The following ACYP2 variants were observed in gnomAD, a reference collection of about 807,000 sequenced individuals.
ACYP2 encodes the protein acylphosphatase 2.
A neutral mutation model predicts 11.2 loss-of-function variants in ACYP2; 12 were observed. The ratio of observed to expected loss-of-function variants is 1.08; its 90% CI spans 0.69 to 1.74. ACYP2 has a LOEUF of 1.74. Ranked by LOEUF, ACYP2 falls within the 40% of genes most tolerant of loss-of-function variation. The probability of loss-of-function intolerance (pLI) is 0.00; values close to 1 mark genes in which losing one functional copy is unlikely to be tolerated. For missense variants in ACYP2, 134 were observed against 101.9 expected (o/e 1.31, Z -1.35); for synonymous variants, 43 against 32.2 (o/e 1.33, Z -1.13).
At chr2:54,259,435 GA>G (rs1687688075) in intron 6 of ACYP2, among the ~76,000 whole-genome samples, 1 of 152,148 alleles carries the variant, frequency 6.6e-6, no homozygotes, top group African/African-American at 2.4e-5. Flanking sequence ...ATAAGGTCAA[GA>G]AAAAGAGGAA....
At chr2:54,188,470 T>C (rs950050566) in intron 6 of ACYP2, among the ~76,000 whole-genome samples, 2 of 152,210 alleles carry the variant, frequency 1.3e-5, no homozygotes, top group Non-Finnish European at 1.5e-5. Flanking sequence ...GCAGTAGATA[T>C]AATATTCGAA....
intron 6 of ACYP2, among the ~76,000 whole-genome samples, chr2:54,282,998 GA>G (rs1352891561): frequency 5.9e-5 from 9 of 152,314 alleles, no homozygotes; most frequent in African/African-American, 2.2e-4. Context: ...TTAATAATGT[GA>G]AGAATGAAAA....
At chr2:54,197,942 A>G (rs13001916) in intron 6 of ACYP2, among the ~76,000 whole-genome samples, 1,865 of 69,360 alleles carry the variant, frequency 0.027, 214 homozygotes, top group East Asian at 0.058. Context: ...TGTATGTATT[A>G]TATTGTATTG....
chr2:54,092,974 A>G (rs556052977), intron 4 of ACYP2, among the ~76,000 whole-genome samples: 1 of 152,312 alleles, frequency 6.6e-6, no homozygotes, highest in African/African-American at 2.4e-5. Context: ...GGTGGGGTAC[A>G]ATCGTTCAGA....
Position 54,155,600 on chromosome 2 carries a change from A to C in ACYP2, c.404+16852A>C, listed in dbSNP as rs79974599. ...GTTGTTCACTCTTCATGAGAATCTA[A>C]CTAATGCCTGATGATCTGAGGTGGA... On this transcript the variant is annotated intron_variant, in intron 6 of 6. Transcript: ENST00000607452. Among the ~76,000 whole-genome samples, 596 of 152,278 alleles carry C rather than the reference A, an allele frequency of 3.9e-3. 28 individuals are homozygous for C. The East Asian group carries it at 0.11, about 27-fold the overall frequency.
chr2:54,071,682 C>G (rs916669838), intron 4 of ACYP2, among the ~76,000 whole-genome samples: 5 of 152,066 alleles, frequency 3.3e-5, no homozygotes, highest in African/African-American at 1.2e-4. Context: ...GGTCTAAGAT[C>G]AATTGTATTT....
At chr2:53,993,759 CCG>C (rs1247147262) in intron 2 of ACYP2, among the ~76,000 whole-genome samples, 1 of 151,892 alleles carries the variant, frequency 6.6e-6, no homozygotes, top group African/African-American at 2.4e-5. Context: ...CTCTATTTTC[CCG>C]GAGAAGTAGG....
intron 2 of ACYP2, among the ~76,000 whole-genome samples, chr2:54,035,837 G>A (rs1674870762): frequency 6.6e-6 from 1 of 152,152 alleles, no homozygotes; most frequent in African/African-American, 2.4e-5. Flanking sequence ...ACTTGAGAAT[G>A]AGGAAATAAG....
intron 6 of ACYP2, among the ~76,000 whole-genome samples, chr2:54,204,297 G>C (rs1684983684): frequency 9.4e-6 from 1 of 106,190 alleles, no homozygotes; most frequent in African/African-American, 3.1e-5. Context: ...CCGGCCATGG[G>C]ATTTTTTTTT....
rs1205008152 is a variant in ACYP2 at position 53,973,907 on chromosome 2, A to AT, written c.62+120dup. The AT allele has an allele frequency of 1.7e-3, 72 of 41,204 alleles. 3 individuals carry two copies. The highest frequency in any genetic ancestry group is 4.6e-3 in the South Asian group (5 of 1,086). The allele number at this position is 41,204 out of a possible 1,614,324, so 2.6% of individuals were successfully genotyped here. On this transcript the variant is annotated intron_variant, in intron 2 of 6. Coordinates refer to ENST00000607452, the MANE Select transcript of ACYP2 (RefSeq NM_001320586.2). ...TGTGTGTGTGTGTGTGTGTGTATATATTTTTTTTTTTTTTTTTTTTTTTGA... is the reference window on the plus strand; with the variant it reads ...TGTGTGTGTGTGTGTGTGTGTATATATTTTTTTTTTTTTTTTTTTTTTTTGA...
intron 4 of ACYP2, among the ~76,000 whole-genome samples, chr2:54,096,034 C>T (rs1165140903): frequency 2.0e-5 from 2 of 101,314 alleles, no homozygotes; most frequent in Non-Finnish European, 4.0e-5. Flanking sequence ...CCGGACGGGG[C>T]GGCTGGCCGG....
chr2:54,007,729 G>C (rs541344917), intron 2 of ACYP2, among the ~76,000 whole-genome samples: 1 of 152,186 alleles, frequency 6.6e-6, no homozygotes, highest in Non-Finnish European at 1.5e-5. Context: ...GTTGGGTGTG[G>C]TAGTGTGTGC....
At chr2:54,301,795 C>A (rs1313823595) in intron 6 of ACYP2, among the ~76,000 whole-genome samples, 1 of 152,160 alleles carries the variant, frequency 6.6e-6, no homozygotes, top group East Asian at 1.9e-4. Flanking sequence ...TAGACCTCAG[C>A]CACACTTACC....
At chr2:54,201,674 CTTTCTT>C (rs1168061309) in intron 6 of ACYP2, among the ~76,000 whole-genome samples, 40 of 103,876 alleles carry the variant, frequency 3.9e-4, no homozygotes, top group African/African-American at 9.5e-4. Flanking sequence ...TTCTTTCTTT[CTTTCTT>C]TCTCTCTCTC....
chr2:54,018,786 C>T (rs150141632), intron 2 of ACYP2, among the ~76,000 whole-genome samples: 8 of 152,276 alleles, frequency 5.3e-5, no homozygotes, highest in Middle Eastern at 3.4e-3. Flanking sequence ...CTTACTCTGT[C>T]GCCCAAGCTG....
At chr2:54,232,904 C>T (rs752747141) in intron 6 of ACYP2, among the ~76,000 whole-genome samples, 3 of 152,112 alleles carry the variant, frequency 2.0e-5, no homozygotes, top group Non-Finnish European at 2.9e-5. Flanking sequence ...GATTACAATT[C>T]GAGATGAGAT....
At chr2:54,029,665 T>C (rs1368513303) in intron 2 of ACYP2, 6 of 436,924 alleles carry the variant, frequency 1.4e-5, no homozygotes, top group Non-Finnish European at 2.6e-5. Context: ...TCTTAGCTTG[T>C]AGAGTGCTTA....
At chr2:54,281,081 C>A (rs1016766324) in intron 6 of ACYP2, among the ~76,000 whole-genome samples, 3 of 152,030 alleles carry the variant, frequency 2.0e-5, no homozygotes. Flanking sequence ...GAGGTTTAAA[C>A]GAAATAACAT....
chr2:54,007,138 C>CAAAAAAAAAAAAAAAAAAAAAA (rs70944145), intron 2 of ACYP2, among the ~76,000 whole-genome samples: 3 of 52,202 alleles, frequency 5.7e-5, no homozygotes, highest in Non-Finnish European at 1.0e-4. Flanking sequence ...GACTCTGTGT[C>CAAAAAAAAAAAAAAAAAAAAAA]AAAAAAAAAA....
Sources: gnomAD v4.1 joint callset for allele counts (sites outside exome capture counted in the v4.1 genomes callset) on GRCh38, gnomAD v4.1.1 for gene constraint, MANE v1.5 for transcripts, NCBI Gene and HGNC (gene_info 2026-07-23, HGNC 2026-07-21) for gene names.